LIN7A: variants seen among roughly 807,000 people sequenced by gnomAD.
The protein encoded by LIN7A is lin-7 cell polarity scaffold A, also known as protein lin-7 homolog A.
A neutral mutation model predicts 29.8 loss-of-function variants in LIN7A; 25 were observed. That is an observed-to-expected ratio of 0.84 (90% CI 0.61 to 1.17). LIN7A has a LOEUF of 1.17. LIN7A is among the 50% of genes most tolerant of loss of function. The pLI, the probability that LIN7A is intolerant of heterozygous loss-of-function variation, is 0.00. For missense variants in LIN7A, 239 were observed against 287.0 expected (o/e 0.83, Z 1.21); for synonymous variants, 118 against 107.5 (o/e 1.10, Z -0.60).
At chr12:80,862,680 G>T (rs915786915) in intron 2 of LIN7A, among the ~76,000 whole-genome samples, 6 of 152,132 alleles carry the variant, frequency 3.9e-5, no homozygotes, top group Non-Finnish European at 8.8e-5. Flanking sequence ...GCACTATGAT[G>T]AGGGGCCATT....
At chr12:80,846,781 G>A (rs970932303) in intron 3 of LIN7A, among the ~76,000 whole-genome samples, 2 of 152,070 alleles carry the variant, frequency 1.3e-5, no homozygotes, top group Non-Finnish European at 2.9e-5. Flanking sequence ...ATGAGTTCAA[G>A]AAAACAACTT....
chr12:80,843,887 A>G (rs1872937903), intron 4 of LIN7A, among the ~76,000 whole-genome samples: 1 of 152,076 alleles, frequency 6.6e-6, no homozygotes. Flanking sequence ...TGAAATGCGT[A>G]CAGTGTGTTC....
intron 1 of LIN7A, among the ~76,000 whole-genome samples, chr12:80,913,434 G>GT (rs1326618675): frequency 6.6e-6 from 1 of 152,190 alleles, no homozygotes; most frequent in Non-Finnish European, 1.5e-5. Context: ...TAGGAGGGTG[G>GT]TTTACAAGGT....
intron 5 of LIN7A, among the ~76,000 whole-genome samples, chr12:80,809,218 G>A (rs568650695): frequency 2.5e-4 from 38 of 152,154 alleles, no homozygotes; most frequent in African/African-American, 7.2e-4. Context: ...CACCCACCTC[G>A]GCTTCCCAAA....
In LIN7A at chr12:80,908,781, A is replaced by G. The variant is rs1304786244; in HGVS notation, c.83-19412T>C. Among the ~76,000 whole-genome samples the G allele has an allele frequency of 5.9e-5, 9 of 152,064 alleles. No homozygotes were observed. The East Asian group carries it at 1.2e-3, about 20-fold the overall frequency. ...TTTCATATGCTTATTTGTCACCTGT[A>G]TATCTTCTTTAGTGAAGTATCTATA... On this transcript the variant is annotated intron_variant, in intron 1 of 5. Transcript: ENST00000552864.
At chr12:80,856,355 A>G (rs958955716) in intron 2 of LIN7A, among the ~76,000 whole-genome samples, 3 of 152,206 alleles carry the variant, frequency 2.0e-5, no homozygotes, top group Non-Finnish European at 4.4e-5. Flanking sequence ...GAGTTATAAA[A>G]GAGGGCTCCA....
chr12:80,922,935 C>T (rs1565930663), intron 1 of LIN7A, among the ~76,000 whole-genome samples: 1 of 152,050 alleles, frequency 6.6e-6, no homozygotes, highest in Admixed American at 6.6e-5. Context: ...TTCAGGCAGC[C>T]CCCGGGGGTC....
At chr12:80,901,616 T>G (rs942622106) in intron 1 of LIN7A, among the ~76,000 whole-genome samples, 4 of 152,098 alleles carry the variant, frequency 2.6e-5, no homozygotes, top group African/African-American at 9.7e-5. Context: ...AGAAAATCTA[T>G]CAGGAAATTG....
intron 1 of LIN7A, among the ~76,000 whole-genome samples, chr12:80,891,081 A>C (rs1383087668): frequency 6.6e-6 from 1 of 152,124 alleles, no homozygotes; most frequent in Non-Finnish European, 1.5e-5. Flanking sequence ...CTCCCCTTGC[A>C]TACAGATAGT....
At chr12:80,800,800 A>T (rs1345584385) in intron 5 of LIN7A, among the ~76,000 whole-genome samples, 2 of 152,108 alleles carry the variant, frequency 1.3e-5, no homozygotes, top group Non-Finnish European at 2.9e-5. Context: ...ACTAGAAGAA[A>T]AAAAAACCAA....
chr12:80,920,578 C>T (rs376736029), intron 1 of LIN7A, among the ~76,000 whole-genome samples: 4 of 152,138 alleles, frequency 2.6e-5, no homozygotes, highest in South Asian at 2.1e-4. Context: ...CTCACATCAA[C>T]GTTAGATCAT....
At chr12:80,908,681 A>G (rs1269586255) in intron 1 of LIN7A, among the ~76,000 whole-genome samples, 1 of 152,098 alleles carries the variant, frequency 6.6e-6, no homozygotes, top group Non-Finnish European at 1.5e-5. Flanking sequence ...TTTTAAAAAC[A>G]GCATTCTAAT....
intron 4 of LIN7A, among the ~76,000 whole-genome samples, chr12:80,839,615 G>C (rs909516175): frequency 6.6e-6 from 1 of 152,092 alleles, no homozygotes; most frequent in African/African-American, 2.4e-5. Context: ...TTTTCTCTTT[G>C]TTCCGACACA....
At chr12:80,814,914 T>G (rs1370348201) in intron 4 of LIN7A, among the ~76,000 whole-genome samples, 2 of 152,208 alleles carry the variant, frequency 1.3e-5, no homozygotes, top group Non-Finnish European at 2.9e-5. Context: ...CTATGAGAGA[T>G]CTGGGCAGTG....
chr12:80,807,086 T>TGTTTTTTG (rs200771961), intron 5 of LIN7A, among the ~76,000 whole-genome samples: 1 of 140,826 alleles, frequency 7.1e-6, no homozygotes, highest in Admixed American at 7.1e-5. Flanking sequence ...TTTTTTTTTT[T>TGTTTTTTG]TTTTTGACGG....
intron 4 of LIN7A, among the ~76,000 whole-genome samples, chr12:80,838,404 A>G (rs930934028): frequency 6.6e-6 from 1 of 152,198 alleles, no homozygotes; most frequent in Non-Finnish European, 1.5e-5. Context: ...AAATTAAAAG[A>G]TCTCTTATTG....
chr12:80,850,208 C>A (rs761843386), intron 2 of LIN7A, among the ~76,000 whole-genome samples: 3 of 152,108 alleles, frequency 2.0e-5, no homozygotes, highest in African/African-American at 7.2e-5. Context: ...GGCTTGGAAG[C>A]AAACCGTAGC....
intron 1 of LIN7A, among the ~76,000 whole-genome samples, chr12:80,925,984 A>G (rs981884443): frequency 1.3e-5 from 2 of 152,142 alleles, no homozygotes; most frequent in African/African-American, 4.8e-5. Context: ...GCACCCTGCA[A>G]GATGATCATC....
rs569622890 is a variant in LIN7A at position 80,836,213 on chromosome 12, T to C, written c.483+9517A>G. 3.9e-5 allele frequency among the ~76,000 whole-genome samples: 6 copies of C among 152,350 alleles called. No individual in the cohort carries two copies. The East Asian group carries it at 9.7e-4, about 25-fold the overall frequency. On this transcript the variant is annotated intron_variant, in intron 4 of 5. Transcript: ENST00000552864. Reference sequence around the variant, plus strand: ...TCATCTTATCCCACTATGTATACTTTAGTCACTTTGTTCTTTCAGCTGCTC... The same window carrying C: ...TCATCTTATCCCACTATGTATACTTCAGTCACTTTGTTCTTTCAGCTGCTC...
Sources: allele counts gnomAD v4.1 joint callset (sites outside exome capture counted in the v4.1 genomes callset), GRCh38; gene constraint gnomAD v4.1.1; transcripts MANE v1.5; gene names NCBI Gene and HGNC (gene_info 2026-07-23, HGNC 2026-07-21).